SMIM7: variants seen among roughly 807,000 people sequenced by gnomAD.
SMIM7 encodes small integral membrane protein 7.
In SMIM7, 12 loss-of-function variants were observed where a neutral mutation model predicts 13.3. That is an observed-to-expected ratio of 0.90 (90% CI 0.58 to 1.46). The LOEUF (loss-of-function observed/expected upper bound fraction) is 1.46, where lower values mean the gene tolerates loss of function less well. SMIM7 is among the 40% of genes most tolerant of loss of function. The pLI, the probability that SMIM7 is intolerant of heterozygous loss-of-function variation, is 0.00. For missense variants in SMIM7, 114 were observed against 94.8 expected, an observed-to-expected ratio of 1.20 and a Z score of -0.84; for synonymous variants, 36 against 35.8, an observed-to-expected ratio of 1.01 and a Z score of -0.02.
downstream of SMIM7, chr19:16,645,362 A>T (rs1324614153): frequency 1.3e-5 from 2 of 152,130 alleles, no homozygotes; most frequent in African/African-American, 2.4e-5. Flanking sequence ...GTTTCTTCAC[A>T]CCATTCATCT....
chr19:16,632,860 C>G (rs1401986707), intron 4 of SMIM7, among the ~76,000 whole-genome samples: 4 of 152,054 alleles, frequency 2.6e-5, no homozygotes, highest in Admixed American at 6.6e-5. Context: ...AAGCTCATAC[C>G]CTCTGACCCT....
chr19:16,641,638 G>A (rs1015252588), downstream of SMIM7, among the ~76,000 whole-genome samples: 10 of 152,012 alleles, frequency 6.6e-5, no homozygotes, highest in African/African-American at 2.2e-4. Context: ...TAGCTCTGTC[G>A]TCCAGGCTGG....
At chr19:16,649,943 G>A (rs180864590) in intron 4 of SMIM7, among the ~76,000 whole-genome samples, 15 of 152,258 alleles carry the variant, frequency 9.9e-5, no homozygotes, top group Non-Finnish European at 1.2e-4. Context: ...ACAGGAAGCC[G>A]ACGAGTGGTT....
At chr19:16,652,304 T>C (rs2086537182) in intron 4 of SMIM7, 1 of 153,734 alleles carries the variant, frequency 6.5e-6, no homozygotes, top group South Asian at 2.0e-4. Context: ...AGGGCTCAAG[T>C]GATTCTCCCA....
chr19:16,657,452 T>C (rs1455297769), intron 3 of SMIM7, among the ~76,000 whole-genome samples: 1 of 152,144 alleles, frequency 6.6e-6, no homozygotes, highest in Non-Finnish European at 1.5e-5. Context: ...AGTCAATGTA[T>C]GAATGGATGG....
At chr19:16,655,227 TGA>T in intron 3 of SMIM7, 1 of 420,866 alleles carries the variant, frequency 2.4e-6, no homozygotes, top group Non-Finnish European at 4.8e-6. Context: ...TGTTTCTTGG[TGA>T]TGACTTACTC....
chr19:16,653,416 C>A (rs1256810002), intron 4 of SMIM7, among the ~76,000 whole-genome samples: 1 of 151,976 alleles, frequency 6.6e-6, no homozygotes, highest in Non-Finnish European at 1.5e-5. Context: ...AACCCTGTCT[C>A]TTGTAAAAAT....
downstream of SMIM7, among the ~76,000 whole-genome samples, chr19:16,641,781 T>A (rs1165664180): frequency 6.6e-6 from 1 of 152,126 alleles, no homozygotes; most frequent in African/African-American, 2.4e-5. Flanking sequence ...GTATTTTTAG[T>A]AGAGAAAGGA....
intron 4 of SMIM7, among the ~76,000 whole-genome samples, chr19:16,637,951 T>G (rs1362276726): frequency 6.6e-6 from 1 of 151,490 alleles, no homozygotes; most frequent in African/African-American, 2.4e-5. Flanking sequence ...GTCATAAGGG[T>G]GGGGTGATAA....
At chr19:16,650,786 C>G in intron 4 of SMIM7, among the ~76,000 whole-genome samples, 1 of 152,022 alleles carries the variant, frequency 6.6e-6, no homozygotes, top group East Asian at 1.9e-4. Context: ...TCCTCAGCAA[C>G]TGCCACAGGG....
intron 4 of SMIM7, among the ~76,000 whole-genome samples, chr19:16,650,581 G>A (rs921733308): frequency 3.3e-5 from 5 of 152,028 alleles, no homozygotes; most frequent in Admixed American, 6.6e-5. Context: ...GTGGTGGTGC[G>A]TGCCTGTAGT....
At chr19:16,647,374 G>T in intron 4 of SMIM7, 113 bp from the exon 5 acceptor site, 1 of 1,283,894 alleles carries the variant, frequency 7.8e-7, no homozygotes, top group Non-Finnish European at 1.1e-6. Context: ...GATTTTACAT[G>T]ATTGTCTGAT....
At chr19:16,656,169 T>C (rs560368875) in intron 3 of SMIM7, among the ~76,000 whole-genome samples, 1 of 152,130 alleles carries the variant, frequency 6.6e-6, no homozygotes, top group East Asian at 1.9e-4. Context: ...GTGGATCACC[T>C]GAGGTCGCGA....
At chr19:16,653,984 G>A in intron 4 of SMIM7, 51 bp downstream of exon 4, 1 of 1,478,878 alleles carries the variant, frequency 6.8e-7, no homozygotes, top group Non-Finnish European at 9.4e-7. Context: ...GGTCACCCTG[G>A]AGAAGGAGAC....
At chr19:16,656,264 T>A (rs149353435) in intron 3 of SMIM7, among the ~76,000 whole-genome samples, 1 of 152,286 alleles carries the variant, frequency 6.6e-6, no homozygotes, top group East Asian at 1.9e-4. Flanking sequence ...GGCGCGTGCC[T>A]GTAATCCCAA....
At chr19:16,633,842 T>C (rs534942942) in intron 4 of SMIM7, 2 of 152,312 alleles carry the variant, frequency 1.3e-5, no homozygotes, top group Non-Finnish European at 1.5e-5. Flanking sequence ...TACATACTTA[T>C]GCACAGAGTG....
chr19:16,648,158 T>A (rs1366107437), intron 4 of SMIM7, among the ~76,000 whole-genome samples: 3 of 152,196 alleles, frequency 2.0e-5, no homozygotes, highest in African/African-American at 7.2e-5. Flanking sequence ...TTTTTTTTTT[T>A]GAGATGGACT....
At chr19:16,654,770 G>A (rs1002721876) in intron 3 of SMIM7, among the ~76,000 whole-genome samples, 1 of 151,918 alleles carries the variant, frequency 6.6e-6, no homozygotes, top group Non-Finnish European at 1.5e-5. Context: ...AATGAATAAA[G>A]TTTTATGGCA....
chr19:16,658,405 A>G (rs16981374), intron 3 of SMIM7, among the ~76,000 whole-genome samples: 16,701 of 152,272 alleles, frequency 0.11, 1,269 homozygotes, highest in African/African-American at 0.22. Flanking sequence ...TTAAGACTCC[A>G]AATAGTTACA....
Sources: allele counts gnomAD v4.1 joint callset (sites outside exome capture counted in the v4.1 genomes callset), GRCh38; gene constraint gnomAD v4.1.1; transcripts MANE v1.5; gene names NCBI Gene and HGNC (gene_info 2026-07-23, HGNC 2026-07-21).